The following LRRD1 variants were observed in gnomAD, a reference collection of about 807,000 sequenced individuals.
LRRD1 encodes leucine-rich repeat and death domain-containing protein 1.
LRRD1 carries 49 observed loss-of-function variants against 69.5 expected under a neutral mutation model. The ratio of observed to expected loss-of-function variants is 0.70; its 90% CI spans 0.56 to 0.89. The LOEUF (loss-of-function observed/expected upper bound fraction) is 0.89, where lower values mean the gene tolerates loss of function less well. Ranked by LOEUF, LRRD1 falls within the 40% of genes least tolerant of loss-of-function variation. LRRD1 has a pLI of 0.00. For missense variants in LRRD1, 853 were observed against 956.0 expected (o/e 0.89, Z 1.42); for synonymous variants, 303 against 338.9 (o/e 0.89, Z 1.16).
At chr7:92,149,883 T>G in intron 4 of LRRD1, 1 of 456,114 alleles carries the variant, frequency 2.2e-6, no homozygotes, top group Non-Finnish European at 4.4e-6. Context: ...CTACATTTGG[T>G]AGAACAGATT....
intron 2 of LRRD1, 74 bp from the exon 3 acceptor site, chr7:92,159,277 CAAATG>C: frequency 3.9e-6 from 4 of 1,013,136 alleles, no homozygotes; most frequent in Non-Finnish European, 1.3e-6. Flanking sequence ...CTTCTAAAAT[CAAATG>C]AAAGAGTTTT....
intron 2 of LRRD1, among the ~76,000 whole-genome samples, chr7:92,161,631 G>A (rs1326427019): frequency 1.3e-5 from 2 of 152,168 alleles, no homozygotes; most frequent in African/African-American, 4.8e-5. Flanking sequence ...TTTTTCAGAG[G>A]AAAAATAATA....
At chr7:92,144,628 CAAAAAA>C (rs61338977), downstream of LRRD1, among the ~76,000 whole-genome samples, 2 of 85,862 alleles carry the variant, frequency 2.3e-5, no homozygotes, top group South Asian at 3.9e-4. Context: ...AACTCCATCT[CAAAAAA>C]AAAAAAAAAA....
At chr7:92,178,184 G>C (rs1460243590) in intron 1 of LRRD1, among the ~76,000 whole-genome samples, 1 of 151,816 alleles carries the variant, frequency 6.6e-6, no homozygotes, top group Admixed American at 6.6e-5. Context: ...GTAGTGGCGG[G>C]CGCCTGTAGT....
At chr7:92,175,371 G>T (rs74298193) in intron 1 of LRRD1, among the ~76,000 whole-genome samples, 17,324 of 152,166 alleles carry the variant, frequency 0.11, 1,140 homozygotes, top group East Asian at 0.36. Flanking sequence ...GTGCTGGCCA[G>T]GCGTGGTGGC....
At chr7:92,152,028 A>G (rs1820481209) in intron 3 of LRRD1, among the ~76,000 whole-genome samples, 1 of 149,756 alleles carries the variant, frequency 6.7e-6, no homozygotes, top group African/African-American at 2.4e-5. Flanking sequence ...TTGCCTTTAT[A>G]TTATTTATAT....
chr7:92,171,121 A>T (rs1789048664), intron 1 of LRRD1, among the ~76,000 whole-genome samples: 2 of 152,140 alleles, frequency 1.3e-5, no homozygotes. Context: ...CTAATGATGT[A>T]CCTCAAAGAA....
chr7:92,176,245 G>A (rs1365244432), intron 1 of LRRD1, among the ~76,000 whole-genome samples: 1 of 152,128 alleles, frequency 6.6e-6, no homozygotes, highest in Non-Finnish European at 1.5e-5. Context: ...CTTTTGCGAT[G>A]GAGAATAATA....
chr7:92,150,789 A>G lies in LRRD1; in HGVS notation c.2117-94T>C, dbSNP rs368724013. On this transcript the variant is annotated intron_variant, in intron 3 of 5. Transcript: ENST00000458448. ...TGTTATGTCTTGCTGGCAAAGTACC[A>G]GAGGACCCTCACAATGCAGCAGGTC... 1.8e-4 allele frequency: 157 copies of G among 869,566 alleles called. No individual in the cohort carries two copies. The East Asian group carries it at 3.2e-3, about 18-fold the overall frequency. 53.9% of individuals were successfully genotyped at this position (869,566 alleles called of 1,614,324 possible).
intron 4 of LRRD1, 78 bp downstream of exon 4, chr7:92,150,456 C>A (rs1820437752): frequency 7.9e-7 from 1 of 1,271,796 alleles, no homozygotes; most frequent in Admixed American, 2.8e-5. Context: ...CAGAGTGAGA[C>A]CCTGTCTCCA....
In LRRD1 at chr7:92,146,176, T is replaced by A; in HGVS notation, c.2303A>T (p.Lys768Met). The change falls in exon 5 of 6, where the codon AAG (lysine) becomes ATG (methionine). Residue 768 changes from lysine (K) to methionine (M), a missense_variant. By Grantham distance (95) the Lys-to-Met change is moderately conservative (BLOSUM62 -1). Around this residue, in one of 3 missense-constraint regions of LRRD1, gnomAD observed 739 missense variants for 808.0 expected, o/e 0.91. Transcript: ENST00000458448. Reference sequence around the variant, plus strand: ...TTCAGTGATGTTGTTGGCAACTATCTTGAATATCTTCTCTAAAATTTTCTC... The same window carrying A: ...TTCAGTGATGTTGTTGGCAACTATCATGAATATCTTCTCTAAAATTTTCTC... The part of the protein sequence containing the change: ...RDEKILEKIF[K>M]IVANNITETN... 1 of 1,517,224 alleles carries A rather than the reference T, an allele frequency of 6.6e-7. No individual in the cohort carries two copies. Among genetic ancestry groups the A allele is most frequent in the Non-Finnish European group, 8.8e-7 (1 of 1,130,088 alleles). 94.0% of individuals were successfully genotyped at this position (1,517,224 alleles called of 1,614,324 possible). A position where few individuals can be genotyped will look rare whatever the true frequency, so the allele number is the denominator to read the frequency against.
chr7:92,142,390 CTT>C (rs1820175850), downstream of LRRD1: 1 of 449,960 alleles, frequency 2.2e-6, no homozygotes, highest in Non-Finnish European at 4.4e-6. Flanking sequence ...CTGTCTCTCT[CTT>C]GGCATCCAGC....
At chr7:92,146,783 G>C (rs1332145840) in intron 4 of LRRD1, among the ~76,000 whole-genome samples, 1 of 146,938 alleles carries the variant, frequency 6.8e-6, no homozygotes, top group African/African-American at 2.5e-5. Flanking sequence ...TTAGCCGGGC[G>C]TGGTCGCACA....
At chr7:92,144,140 C>T (rs1205170677), downstream of LRRD1, among the ~76,000 whole-genome samples, 1 of 152,144 alleles carries the variant, frequency 6.6e-6, no homozygotes, top group Non-Finnish European at 1.5e-5. Context: ...CTGGCCCTGG[C>T]CCTAGTTTAT....
intron 1 of LRRD1, among the ~76,000 whole-genome samples, chr7:92,171,289 C>G (rs933530364): frequency 1.3e-4 from 19 of 151,110 alleles, no homozygotes; most frequent in Non-Finnish European, 2.5e-4. Context: ...TTTGTCTAGA[C>G]TAAGAAAAAA....
intron 3 of LRRD1, among the ~76,000 whole-genome samples, chr7:92,156,998 A>G (rs2130996432): frequency 6.8e-6 from 1 of 146,106 alleles, no homozygotes; most frequent in Admixed American, 6.8e-5. Flanking sequence ...AAAATCTTGA[A>G]TGGAAATTGT....
downstream of LRRD1, chr7:92,142,508 A>G (rs181180707): frequency 8.2e-4 from 374 of 456,770 alleles, 1 homozygote; most frequent in African/African-American, 6.8e-3. Flanking sequence ...AAAAAGATCC[A>G]AAAGAAACTG....
At chr7:92,154,241 T>G (rs1237973590) in intron 3 of LRRD1, among the ~76,000 whole-genome samples, 1 of 151,954 alleles carries the variant, frequency 6.6e-6, no homozygotes, top group African/African-American at 2.4e-5. Context: ...GTTTTGATTT[T>G]TTTCACCTTT....
chr7:92,146,118 G>C lies in LRRD1; in HGVS notation c.2361C>G (p.Asn787Lys), dbSNP rs1440923768. 6.5e-7 allele frequency: 1 copy of C among 1,541,058 alleles called. No individual in the cohort carries two copies. The highest frequency in any genetic ancestry group is 2.0e-5 in the Admixed American group (1 of 48,790). Residue 787 changes from asparagine (N) to lysine (K), a missense_variant, in exon 5 of 6, where the codon AAC becomes AAG. Coordinates refer to ENST00000458448, the MANE Select transcript of LRRD1 (RefSeq NM_001161528.2). Reference protein sequence around the residue: ...TNFEFLCQKLNLANSETDMPT... With the variant: ...TNFEFLCQKLKLANSETDMPT... ...GCATATCAGTTTCTGAGTTTGCCAG[G>C]TTTAGTTTTTGACATAAAAATTCAA...
Sources: allele counts gnomAD v4.1 joint callset (sites outside exome capture counted in the v4.1 genomes callset), GRCh38; gene constraint gnomAD v4.1.1; regional missense constraint gnomAD v4.1.1; transcripts MANE v1.5; gene names NCBI Gene and HGNC (gene_info 2026-07-23, HGNC 2026-07-21).